C3orf52: variants seen among roughly 807,000 people sequenced by gnomAD.
The protein encoded by C3orf52 is TPA-induced transmembrane protein.
In C3orf52, 22 loss-of-function variants were observed where a neutral mutation model predicts 24.8. That is an observed-to-expected ratio of 0.89 (90% CI 0.63 to 1.27). The LOEUF (loss-of-function observed/expected upper bound fraction) is 1.27, where lower values mean the gene tolerates loss of function less well. C3orf52 is among the 50% of genes most tolerant of loss of function. C3orf52 has a pLI of 0.00. For missense variants in C3orf52, 265 were observed against 260.7 expected (o/e 1.02, Z -0.11); for synonymous variants, 93 against 100.2 (o/e 0.93, Z 0.43).
chr3:112,112,914 A>G, intron 4 of C3orf52, 50 bp from the exon 5 acceptor site: 1 of 1,376,436 alleles, frequency 7.3e-7, no homozygotes. Flanking sequence ...TCATTTCTTG[A>G]GTTGCAGTAT....
At chr3:112,132,695 A>G, downstream of C3orf52, 1 of 988,000 alleles carries the variant, frequency 1.0e-6, no homozygotes, top group Middle Eastern at 5.2e-4. Context: ...CTTGCTGTTT[A>G]TTTCAAACTT....
At chr3:112,087,761 T>C (rs536016218) in intron 1 of C3orf52, among the ~76,000 whole-genome samples, 23 of 151,578 alleles carry the variant, frequency 1.5e-4, no homozygotes, top group African/African-American at 5.6e-4. Flanking sequence ...GCTGTATGAG[T>C]CCTCCAGGGC....
At chr3:112,123,376 T>C (rs1381774772) in intron 4 of C3orf52, 1 of 1,556,756 alleles carries the variant, frequency 6.4e-7, no homozygotes, top group Non-Finnish European at 8.7e-7. Context: ...GGACTTTGTG[T>C]CCCATCCCTG....
In C3orf52 at chr3:112,111,077, C is replaced by T. The variant is rs190937796; in HGVS notation, c.467+1464C>T. Among the ~76,000 whole-genome samples the T allele has an allele frequency of 1.3e-4, 20 of 152,266 alleles. No individual in the cohort carries two copies. In the East Asian group the frequency reaches 1.7e-3, roughly 13 times the overall value. On this transcript the variant is annotated intron_variant, in intron 4 of 5. Transcript: ENST00000264848. ...TACAAAAATTAGCTGGACGTGGTGG[C>T]GCGTGCCTGTAAACCCAGCTACTTG...
chr3:112,108,689 T>G (rs928023577), intron 3 of C3orf52, among the ~76,000 whole-genome samples: 18 of 152,234 alleles, frequency 1.2e-4, no homozygotes, highest in Non-Finnish European at 2.6e-4. Context: ...ATCTTAAATG[T>G]AATTTTGAGT....
Position 112,118,057 on chromosome 3 carries a change from T to TAAATCAC in C3orf52, c.*1411_*1412insAAATCAC, listed in dbSNP as rs1331068469. The TAAATCAC allele has an allele frequency of 3.3e-5, 5 of 152,256 alleles. No homozygotes were observed. Among genetic ancestry groups the TAAATCAC allele is most frequent in the Non-Finnish European group, 5.9e-5 (4 of 68,050 alleles). 9.4% of individuals were successfully genotyped at this position (152,256 alleles called of 1,614,324 possible). ...ATTGTCTCATTTTAGTGATTGTTCC[T>TAAATCAC]TAAACTAGTGAAACTAGTGGATTTC... On this transcript the variant is annotated 3_prime_UTR_variant, in exon 6 of 6. Transcript: ENST00000264848.
chr3:112,133,248 G>T, downstream of C3orf52: 1 of 937,324 alleles, frequency 1.1e-6, no homozygotes, highest in Non-Finnish European at 1.7e-6. Context: ...AGAGACAGCA[G>T]AAAGGAGAAG....
chr3:112,092,729 C>A (rs2073890439), intron 1 of C3orf52, among the ~76,000 whole-genome samples: 1 of 152,220 alleles, frequency 6.6e-6, no homozygotes, highest in Non-Finnish European at 1.5e-5. Flanking sequence ...TCCAGCTTTG[C>A]AGCTTATTTC....
At chr3:112,123,341 G>C in intron 4 of C3orf52, 1 of 1,513,178 alleles carries the variant, frequency 6.6e-7, no homozygotes, top group East Asian at 2.3e-5. Flanking sequence ...GCAGGGAAAG[G>C]GTTGTTGTGG....
At chr3:112,121,605 C>G (rs2074201240), downstream of C3orf52, 1 of 152,218 alleles carries the variant, frequency 6.6e-6, no homozygotes, top group African/African-American at 2.4e-5. Context: ...ACAATATCCA[C>G]TGCTAACTGA....
chr3:112,133,349 A>G, downstream of C3orf52: 1 of 474,164 alleles, frequency 2.1e-6, no homozygotes, highest in East Asian at 3.6e-5. Flanking sequence ...GCCTGAACCA[A>G]CCTGGCTGTT....
chr3:112,086,684 C>T, intron 1 of C3orf52, 139 bp downstream of exon 1: 1 of 1,119,886 alleles, frequency 8.9e-7, no homozygotes, highest in South Asian at 1.6e-5. Flanking sequence ...CGCTCGAGTG[C>T]TCTGAATGGA....
intron 3 of C3orf52, among the ~76,000 whole-genome samples, chr3:112,103,873 G>C (rs900745289): frequency 6.6e-6 from 1 of 152,192 alleles, no homozygotes; most frequent in Non-Finnish European, 1.5e-5. Flanking sequence ...GAAGGCAGGC[G>C]TCAGGTCATG....
rs755437855 is a variant in C3orf52, at chr3:112,123,976, C to T, written c.*47-4257C>T. Among the ~76,000 whole-genome samples the T allele has an allele frequency of 7.6e-4, 115 of 151,942 alleles. 3 individuals carry two copies. Among genetic ancestry groups the T allele is most frequent in the Non-Finnish European group, 2.5e-4 (17 of 67,932 alleles). ...GAGTGCTTAAGGTCTAGAGCCTGCT[C>T]AGGTGCATCCTCTGCCCCTTGTTCC... is the stretch of plus-strand genomic sequence containing the variant. On this transcript the variant is annotated intron_variant, in intron 4 of 4. Coordinates refer to the C3orf52 transcript ENST00000480282.
intron 1 of C3orf52, among the ~76,000 whole-genome samples, chr3:112,088,481 A>G (rs761313222): frequency 2.6e-5 from 4 of 152,246 alleles, no homozygotes; most frequent in African/African-American, 4.8e-5. Context: ...GCATTTAATT[A>G]TCACAACTAA....
chr3:112,113,883 C>G (rs1248649648), intron 5 of C3orf52, among the ~76,000 whole-genome samples: 1 of 152,122 alleles, frequency 6.6e-6, no homozygotes, highest in Non-Finnish European at 1.5e-5. Context: ...GAAGCTCTGG[C>G]CTTTGCTGCT....
At chr3:112,090,239 C>T (rs2073864959) in intron 1 of C3orf52, among the ~76,000 whole-genome samples, 1 of 151,276 alleles carries the variant, frequency 6.6e-6, no homozygotes, top group African/African-American at 2.4e-5. Flanking sequence ...AGCTGAGAAG[C>T]ACTGTACAGT....
intron 3 of C3orf52, among the ~76,000 whole-genome samples, chr3:112,103,324 T>C (rs1426745336): frequency 1.3e-5 from 2 of 152,144 alleles, no homozygotes; most frequent in African/African-American, 4.8e-5. Flanking sequence ...GACACGAGTT[T>C]ACCTATAGAA....
intron 4 of C3orf52, among the ~76,000 whole-genome samples, chr3:112,127,287 A>G (rs2074348466): frequency 6.6e-6 from 1 of 152,152 alleles, no homozygotes. Flanking sequence ...TGATTTATAG[A>G]TGGGGAAATA....
Sources: gnomAD v4.1 joint callset for allele counts (sites outside exome capture counted in the v4.1 genomes callset) on GRCh38, gnomAD v4.1.1 for gene constraint, MANE v1.5 for transcripts, NCBI Gene and HGNC (gene_info 2026-07-23, HGNC 2026-07-21) for gene names.